Variants in KIF1B observed in about 807,000 individuals in gnomAD.
KIF1B encodes kinesin-like protein KIF1B.
Under a neutral mutation model 241.9 loss-of-function variants are expected in KIF1B, and 76 were observed. That is an observed-to-expected ratio of 0.31 (90% CI 0.26 to 0.38). KIF1B has a LOEUF of 0.38. Among genes scored for constraint, KIF1B ranks in the 10% least tolerant of loss-of-function variants. The probability of loss-of-function intolerance (pLI) is 1.00; values close to 1 mark genes in which losing one functional copy is unlikely to be tolerated. For synonymous variants in KIF1B, 750 were observed against 796.7 expected (o/e 0.94, Z 0.99); for missense variants, 1,622 against 2,271.4 (o/e 0.71, Z 5.81).
In KIF1B at chr1:10,282,327, A is replaced by C. The variant is rs1350243826; in HGVS notation, c.1228A>C (p.Lys410Gln). 1 of 1,613,740 alleles carries C rather than the reference A, an allele frequency of 6.2e-7. No individual in the cohort carries two copies. The highest frequency in any genetic ancestry group is 8.5e-7 in the Non-Finnish European group (1 of 1,179,784). ...DYSGSGSKYL[K>Q]DFQNNKHRYL... Reference sequence around the variant, plus strand: ...CTCTTCTTTCTATCTCCCAGATCTGAAAGATTTTCAGAACAATAAGCATAG... The same window carrying C: ...CTCTTCTTTCTATCTCCCAGATCTGCAAGATTTTCAGAACAATAAGCATAG... Residue 410 changes from lysine to glutamine, a missense_variant, in exon 15 of 49, where the codon AAA (lysine) becomes CAA (glutamine). Lys to Gln is a moderately conservative substitution (Grantham distance 53). Around this residue, in one of 7 missense-constraint regions of KIF1B, gnomAD observed 201 missense variants for 301.2 expected, o/e 0.67. Coordinates refer to ENST00000676179, the MANE Select transcript of KIF1B (RefSeq NM_001365951.3).
chr1:10,287,709 G>C (rs992429553), intron 15 of KIF1B, among the ~76,000 whole-genome samples: 4 of 152,118 alleles, frequency 2.6e-5, no homozygotes, highest in Non-Finnish European at 5.9e-5. Flanking sequence ...TATTAGAGTT[G>C]GCTGCAAAAT....
chr1:10,346,517 A>T lies in KIF1B; in HGVS notation c.3797+564A>T, dbSNP rs1188136952. Among the ~76,000 whole-genome samples, 4 of 152,106 alleles carry T rather than the reference A, an allele frequency of 2.6e-5. No homozygotes were observed. The East Asian group carries it at 7.7e-4, about 29-fold the overall frequency. On this transcript the variant is annotated intron_variant, in intron 35 of 48. Coordinates refer to ENST00000676179, the MANE Select transcript of KIF1B (RefSeq NM_001365951.3). ...GTAGCTGGGATTACAGGTGCGTGCC[A>T]CCACGCCAGGCTAATTTTTGTATTT...
At chr1:10,279,595 C>G (rs1414800180) in intron 14 of KIF1B, among the ~76,000 whole-genome samples, 1 of 151,652 alleles carries the variant, frequency 6.6e-6, no homozygotes, top group Non-Finnish European at 1.5e-5. Flanking sequence ...GATTTAAGAG[C>G]TCTGTAGATG....
intron 17 of KIF1B, among the ~76,000 whole-genome samples, chr1:10,293,385 G>T: frequency 7.0e-6 from 1 of 143,746 alleles, no homozygotes; most frequent in African/African-American, 2.7e-5. Context: ...ATTAAAGACT[G>T]TGAGGAAATT....
At chr1:10,350,541 A>G (rs2102332324) in intron 37 of KIF1B, among the ~76,000 whole-genome samples, 1 of 152,310 alleles carries the variant, frequency 6.6e-6, no homozygotes, top group East Asian at 1.9e-4. Flanking sequence ...CCTGGGCAAC[A>G]GAGCAATACT....
chr1:10,307,111 A>G (rs1292092963), intron 22 of KIF1B: 4 of 1,032,824 alleles, frequency 3.9e-6, no homozygotes, highest in Non-Finnish European at 4.7e-6. Flanking sequence ...ATATCCCTTA[A>G]TTTCACAGAT....
At chr1:10,290,741 G>A (rs1050385203) in intron 15 of KIF1B, among the ~76,000 whole-genome samples, 3 of 151,698 alleles carry the variant, frequency 2.0e-5, no homozygotes, top group African/African-American at 7.3e-5. Flanking sequence ...GTGGTGGCAC[G>A]TGCCTGTAGT....
intron 45 of KIF1B, among the ~76,000 whole-genome samples, chr1:10,372,642 C>T (rs1411777541): frequency 3.2e-5 from 4 of 124,342 alleles, no homozygotes; most frequent in East Asian, 2.9e-4. Context: ...TGCGCCGCTG[C>T]GCGCCAGCTT....
At chr1:10,349,600 A>G (rs1420209583) in intron 37 of KIF1B, among the ~76,000 whole-genome samples, 1 of 152,104 alleles carries the variant, frequency 6.6e-6, no homozygotes, top group Non-Finnish European at 1.5e-5. Flanking sequence ...GGAGGACTGA[A>G]TAGATTCAAG....
Position 10,324,947 on chromosome 1 carries a change from G to A in KIF1B, c.2675+52G>A, listed in dbSNP as rs746766948. On this transcript the variant is annotated intron_variant, in intron 26 of 48. Transcript: ENST00000676179. ...CTTTTAAAATAATGATTAGTTTTAAGTGTTTAAAACCTGAGCAGATAATAT... is the reference window on the plus strand; with the variant it reads ...CTTTTAAAATAATGATTAGTTTTAAATGTTTAAAACCTGAGCAGATAATAT... 5 of 1,596,932 alleles carry A rather than the reference G, an allele frequency of 3.1e-6. No individual in the cohort carries two copies. In the African/African-American group the frequency reaches 4.0e-5, roughly 13 times the overall value.
chr1:10,252,812 C>T (rs568604626), intron 2 of KIF1B, among the ~76,000 whole-genome samples: 1 of 152,032 alleles, frequency 6.6e-6, no homozygotes, highest in East Asian at 1.9e-4. Flanking sequence ...CTCCACCTCT[C>T]GGGTTCAAGC....
At chr1:10,364,361 T>C (rs2102348845) in intron 41 of KIF1B, among the ~76,000 whole-genome samples, 1 of 152,042 alleles carries the variant, frequency 6.6e-6, no homozygotes, top group East Asian at 1.9e-4. Flanking sequence ...CCCACCACCA[T>C]GCCCAGCTAA....
chr1:10,277,289 A>G (rs1258205150), intron 12 of KIF1B, among the ~76,000 whole-genome samples: 2 of 151,892 alleles, frequency 1.3e-5, no homozygotes, highest in African/African-American at 4.8e-5. Flanking sequence ...CTTAAAAAAA[A>G]AAAAAGAAAA....
chr1:10,360,815 G>T, intron 38 of KIF1B, 114 bp from the exon 39 acceptor site: 1 of 766,864 alleles, frequency 1.3e-6, no homozygotes, highest in South Asian at 1.4e-5. Context: ...TTGATAAACT[G>T]AAAGTGTCTG....
In KIF1B at chr1:10,363,351, T is replaced by C. The variant is rs1557738240; in HGVS notation, c.4366+7T>C. ...TCAGACACAGGTAGTCCAGGTAAGC[T>C]CTTGTGGATTGAGGAGGTGATAGTT... On this transcript the variant is annotated splice_region_variant and intron_variant, in intron 41 of 48. Transcript: ENST00000676179. 1.2e-6 allele frequency: 2 copies of C among 1,607,810 alleles called. No individual in the cohort carries two copies. Among genetic ancestry groups the C allele is most frequent in the Non-Finnish European group, 1.7e-6 (2 of 1,174,366 alleles).
intron 22 of KIF1B, chr1:10,308,599 AGT>A: frequency 9.9e-7 from 1 of 1,014,256 alleles, no homozygotes; most frequent in Non-Finnish European, 1.2e-6. Flanking sequence ...ATCTTTTAAG[AGT>A]GTGATTTCTC....
rs781205034 is a variant in KIF1B at position 10,334,634 on chromosome 1, C to T, written c.3039C>T (p.Ile1013=). 1.7e-5 allele frequency: 28 copies of T among 1,610,576 alleles called. No homozygotes were observed. The highest frequency in any genetic ancestry group is 4.4e-5 in the South Asian group (4 of 90,946). The change falls in exon 28 of 49, where the codon ATC becomes ATT. Residue 1013 remains isoleucine (I), a synonymous_variant. Coordinates refer to ENST00000676179, the MANE Select transcript of KIF1B (RefSeq NM_001365951.3). ...RGFLRVAVQA[I]AADEEAPDYG... ...TTCTGCGTGTGGCTGTACAGGCCAT[C>T]GCAGGTAGGTGACCCTCTTCTGAAA...
intron 1 of KIF1B, among the ~76,000 whole-genome samples, chr1:10,221,697 A>G (rs75292355): frequency 0.018 from 2,810 of 152,302 alleles, 39 homozygotes; most frequent in Non-Finnish European, 0.027. Context: ...TTATTTTTGG[A>G]TACATATTCA....
rs1040863833 is a variant in KIF1B, at chr1:10,275,306, C to A, written c.883-122C>A. ...AAGAATTGAAACTATGAATGATAAACTTCCACAGTGTCGGGGTTGTACTGT... is the reference window on the plus strand; with the variant it reads ...AAGAATTGAAACTATGAATGATAAAATTCCACAGTGTCGGGGTTGTACTGT... On this transcript the variant is annotated intron_variant, in intron 10 of 48. Transcript: ENST00000676179. 6.0e-6 allele frequency: 4 copies of A among 666,358 alleles called. No individual in the cohort carries two copies. The African/African-American group carries it at 7.2e-5, about 12-fold the overall frequency. 41.3% of individuals were successfully genotyped at this position (666,358 alleles called of 1,614,324 possible).
Sources: gnomAD v4.1 joint callset for allele counts (sites outside exome capture counted in the v4.1 genomes callset) on GRCh38, gnomAD v4.1.1 for gene constraint, gnomAD v4.1.1 regional missense constraint, MANE v1.5 for transcripts, NCBI Gene and HGNC (gene_info 2026-07-23, HGNC 2026-07-21) for gene names.